The following SMC6 variants were observed in gnomAD, a reference collection of about 807,000 sequenced individuals.
The protein encoded by SMC6 is structural maintenance of chromosomes 6.
SMC6 carries 79 observed loss-of-function variants against 142.2 expected under a neutral mutation model. The observed-to-expected ratio is 0.56, with a 90% CI of 0.46 to 0.67. The LOEUF (loss-of-function observed/expected upper bound fraction) is 0.67. SMC6 is among the 30% of genes least tolerant of loss of function. The pLI is 0.00. For missense variants in SMC6, 1,072 were observed against 1,284.0 expected (o/e 0.83, Z 2.52); for synonymous variants, 411 against 412.4 (o/e 1.00, Z 0.04).
chr2:17,741,988 T>A (rs1474306685), intron 3 of SMC6, among the ~76,000 whole-genome samples: 1 of 152,214 alleles, frequency 6.6e-6, no homozygotes, highest in Non-Finnish European at 1.5e-5. Context: ...GGTCTGATAA[T>A]TTTTTGTTAG....
At chr2:17,721,059 C>A (rs370549059) in intron 10 of SMC6, 21 bp from the exon 11 acceptor site, 9 of 1,612,786 alleles carry the variant, frequency 5.6e-6, no homozygotes, top group Non-Finnish European at 7.6e-6. Context: ...AATTATATAG[C>A]AAATTGATCA....
chr2:17,689,828 T>A (rs1667622832), intron 23 of SMC6, among the ~76,000 whole-genome samples: 1 of 152,354 alleles, frequency 6.6e-6, no homozygotes, highest in African/African-American at 2.4e-5. Flanking sequence ...TTACACTGTA[T>A]TCTGTATTTT....
intron 3 of SMC6, among the ~76,000 whole-genome samples, chr2:17,745,046 G>A (rs1314901459): frequency 6.6e-6 from 1 of 152,084 alleles, no homozygotes; most frequent in East Asian, 2.0e-4. Flanking sequence ...ATTTTGGTCT[G>A]AAGCGGAGTC....
chr2:17,689,205 T>G (rs1338773966), intron 23 of SMC6, among the ~76,000 whole-genome samples: 1 of 152,110 alleles, frequency 6.6e-6, no homozygotes, highest in African/African-American at 2.4e-5. Flanking sequence ...AAACGATACA[T>G]CATCATTTCT....
intron 25 of SMC6, among the ~76,000 whole-genome samples, chr2:17,674,762 T>C (rs1321852996): frequency 1.3e-5 from 2 of 152,278 alleles, no homozygotes; most frequent in South Asian, 2.1e-4. Flanking sequence ...TTTATAACCA[T>C]GAAATGGCCC....
intron 8 of SMC6, among the ~76,000 whole-genome samples, chr2:17,726,087 T>TAAAAAAAAAAAAAAAAAAA (rs35471536): frequency 1.8e-4 from 10 of 54,966 alleles, no homozygotes; most frequent in African/African-American, 6.3e-4. Context: ...GGCTCTGTCT[T>TAAAAAAAAAAAAAAAAAAA]AAAAAAAAAA....
chr2:17,731,456 G>A (rs1432620315), intron 6 of SMC6, among the ~76,000 whole-genome samples: 2 of 152,106 alleles, frequency 1.3e-5, no homozygotes, highest in Non-Finnish European at 2.9e-5. Context: ...ATTTCCACAT[G>A]CTATAAAAAC....
At chr2:17,705,801 T>G (rs1363558439) in intron 18 of SMC6, among the ~76,000 whole-genome samples, 5 of 152,316 alleles carry the variant, frequency 3.3e-5, no homozygotes, top group South Asian at 2.1e-4. Flanking sequence ...TCCTTAGTTT[T>G]TTTTACTGAG....
chr2:17,720,039 G>C (rs912271645), intron 11 of SMC6, among the ~76,000 whole-genome samples: 4 of 152,070 alleles, frequency 2.6e-5, no homozygotes. Context: ...CGGGGGAAGG[G>C]GAGTAAAGAA....
chr2:17,705,096 A>G (rs1488218393), intron 18 of SMC6, among the ~76,000 whole-genome samples: 1 of 151,806 alleles, frequency 6.6e-6, no homozygotes, highest in African/African-American at 2.4e-5. Flanking sequence ...GTCTCTACCA[A>G]AAAGTGCAGA....
At chr2:17,703,864 A>G (rs1213138802) in intron 18 of SMC6, among the ~76,000 whole-genome samples, 2 of 152,026 alleles carry the variant, frequency 1.3e-5, no homozygotes. Context: ...AGTACATAAT[A>G]CCTATAACAT....
chr2:17,671,016 C>T (rs1666733924), intron 25 of SMC6, among the ~76,000 whole-genome samples: 1 of 151,200 alleles, frequency 6.6e-6, no homozygotes, highest in Non-Finnish European at 1.5e-5. Context: ...AGTATGCCAC[C>T]ACGGCCAGCT....
intron 11 of SMC6, among the ~76,000 whole-genome samples, chr2:17,718,866 C>T (rs931105425): frequency 3.3e-5 from 5 of 152,114 alleles, no homozygotes; most frequent in African/African-American, 1.2e-4. Context: ...AACAGGAAGA[C>T]GACCTAAGTC....
intron 23 of SMC6, among the ~76,000 whole-genome samples, chr2:17,686,953 G>A (rs1667482651): frequency 6.6e-6 from 1 of 152,128 alleles, no homozygotes; most frequent in Non-Finnish European, 1.5e-5. Flanking sequence ...TGTGTATAAG[G>A]TGTATATAAA....
rs918764340 is a variant in SMC6, at chr2:17,753,784, G to T, written c.-251C>A. On this transcript the variant is annotated 5_prime_UTR_variant, in exon 1 of 28. Transcript: ENST00000448223. ...CGCAGGAGAAGGTAGATTCCCGGGA[G>T]CCCCGGCGCCCACCGCGGTACTAAC... 2 of 152,360 alleles carry T rather than the reference G, an allele frequency of 1.3e-5. No homozygotes were observed. Among genetic ancestry groups the T allele is most frequent in the Admixed American group, 6.5e-5 (1 of 15,312 alleles). The allele number at this position is 152,360 out of a possible 1,614,324, so 9.4% of individuals were successfully genotyped here. A position where few individuals can be genotyped will look rare whatever the true frequency, so the allele number is the denominator to read the frequency against.
rs74992773 is a variant in SMC6, at chr2:17,675,322, A to G, written c.2910+3537T>C. Among the ~76,000 whole-genome samples the G allele has an allele frequency of 4.8e-3, 736 of 152,174 alleles. 4 individuals carry two copies. Among genetic ancestry groups the G allele is most frequent in the African/African-American group, 0.016 (683 of 41,564 alleles). The stretch of plus-strand genomic sequence containing the variant: ...TTCCCTTTTTGTGCTATTGTCATAT[A>G]TTTGACTTTTACAGCTTCTAAGCCC... On this transcript the variant is annotated intron_variant, in intron 25 of 27. Transcript: ENST00000448223.
At chr2:17,732,303 T>A (rs934521600) in intron 5 of SMC6, among the ~76,000 whole-genome samples, 9 of 152,184 alleles carry the variant, frequency 5.9e-5, no homozygotes, top group African/African-American at 2.2e-4. Context: ...AAGTAAGAAT[T>A]ATGGTAAAGT....
Position 17,745,967 on chromosome 2 carries a change from T to G in SMC6, c.-5-16A>C. On this transcript the variant is annotated splice_polypyrimidine_tract_variant and intron_variant, in intron 2 of 27. Transcript: ENST00000448223. ...GCCATCAGGTCTGAACAAATATTTA[T>G]AGTAACAATGAGGTAAATCAAGTTC... The G allele has an allele frequency of 6.3e-7, 1 of 1,579,060 alleles. No homozygotes were observed. The highest frequency in any genetic ancestry group is 8.6e-7 in the Non-Finnish European group (1 of 1,164,284).
intron 19 of SMC6, 76 bp downstream of exon 19, chr2:17,703,081 A>T (rs1001043286): frequency 1.1e-6 from 1 of 951,960 alleles, no homozygotes; most frequent in Non-Finnish European, 1.5e-6. Flanking sequence ...TGGAGTCAAT[A>T]ATGGGATCTT....
Sources: gnomAD v4.1 joint callset for allele counts (sites outside exome capture counted in the v4.1 genomes callset) on GRCh38, gnomAD v4.1.1 for gene constraint, MANE v1.5 for transcripts, NCBI Gene and HGNC (gene_info 2026-07-23, HGNC 2026-07-21) for gene names.